Variants in SP110 observed in about 807,000 individuals in gnomAD.
SP110 encodes the protein interferon-induced protein 41, 30kD.
SP110 carries 62 observed loss-of-function variants against 92.7 expected under a neutral mutation model. The observed-to-expected ratio is 0.67, with a 90% CI of 0.55 to 0.83. The LOEUF is 0.83. Ranked by LOEUF, SP110 falls within the 40% of genes least tolerant of loss-of-function variation. The probability of loss-of-function intolerance (pLI) is 0.00; values close to 1 mark genes in which losing one functional copy is unlikely to be tolerated. For synonymous variants in SP110, 273 were observed against 305.3 expected (o/e 0.89, Z 1.10); for missense variants, 793 against 863.9 (o/e 0.92, Z 1.03).
At chr2:230,212,556 G>T in intron 4 of SP110, 126 bp from the exon 5 acceptor site, 1 of 1,043,998 alleles carries the variant, frequency 9.6e-7, no homozygotes, top group Non-Finnish European at 1.5e-6. Context: ...AATGTCCCGG[G>T]AGTGGGAAGC....
chr2:230,175,959 T>TTTTTTTTTTTTTC, intron 14 of SP110, among the ~76,000 whole-genome samples: 5 of 151,048 alleles, frequency 3.3e-5, no homozygotes, highest in African/African-American at 9.8e-5. Flanking sequence ...TTTTTTTTTT[T>TTTTTTTTTTTTTC]CTGAGACAGG....
chr2:230,214,724 G>C (rs2044910027), intron 3 of SP110, among the ~76,000 whole-genome samples: 1 of 151,984 alleles, frequency 6.6e-6, no homozygotes, highest in African/African-American at 2.4e-5. Flanking sequence ...CAAATTCATA[G>C]AACACATAAG....
At chr2:230,185,834 C>T (rs2042329761) in intron 11 of SP110, among the ~76,000 whole-genome samples, 160 bp downstream of exon 11, 1 of 152,224 alleles carries the variant, frequency 6.6e-6, no homozygotes, top group African/African-American at 2.4e-5. Context: ...CCAACAACCA[C>T]TGTCACATCA....
intron 3 of SP110, 34 bp downstream of exon 3, chr2:230,214,916 T>A (rs1264420491): frequency 6.3e-7 from 1 of 1,598,296 alleles, no homozygotes; most frequent in East Asian, 2.2e-5. Flanking sequence ...TAGCAACTTT[T>A]TAAATGCAAA....
chr2:230,212,710 A>G (rs1191957448), intron 4 of SP110, 51 bp downstream of exon 4: 2 of 1,608,508 alleles, frequency 1.2e-6, no homozygotes, highest in African/African-American at 2.7e-5. Context: ...AACATGGCAC[A>G]GGCACCTTAG....
At chr2:230,225,635 C>T (rs2046220581) in exon 1 of SP110, 1 of 620,784 alleles carries the variant, frequency 1.6e-6, no homozygotes, top group Non-Finnish European at 2.9e-6. Context: ...GGGGCTGGCT[C>T]TGCTCCTCCT....
rs200391064 is a variant in SP110, at chr2:230,171,754, A to G, written c.1829T>C (p.Leu610Pro). The change falls in exon 17 of 19, where the codon CTC (leucine) becomes CCC (proline). Residue 610 changes from leucine (L) to proline (P), a missense_variant. By Grantham distance (98) the Leu-to-Pro change is moderately conservative (BLOSUM62 -3). Coordinates refer to ENST00000258381, the MANE Select transcript of SP110 (RefSeq NM_080424.4). ...QPQDQLKCEF[L>P]LLKAYCHPQS... ...TGGATGACAGTAGGCCTTCAAGAGG[A>G]GGAACTCACATTTCTGTAAAATGTG... The G allele has an allele frequency of 6.2e-7, 1 of 1,612,814 alleles. No individual in the cohort carries two copies. The highest frequency in any genetic ancestry group is 8.5e-7 in the Non-Finnish European group (1 of 1,178,756).
chr2:230,178,167 TTTC>T lies in SP110; in HGVS notation c.1434_1436del (p.Lys479del). On this transcript the variant is annotated inframe_deletion, in exon 13 of 19. Coordinates refer to ENST00000258381, the MANE Select transcript of SP110 (RefSeq NM_080424.4). ...GACCAAGGAACTCACCGTGTTTCAT[TTTC>T]TTCTTATATAAAATCCCTTTCGCCT... 2 of 1,605,900 alleles carry T rather than the reference TTTC, an allele frequency of 1.2e-6. No individual in the cohort carries two copies. Among genetic ancestry groups the T allele is most frequent in the Non-Finnish European group, 1.7e-6 (2 of 1,172,648 alleles).
intron 12 of SP110, 87 bp downstream of exon 12, chr2:230,183,485 A>G: frequency 4.3e-6 from 3 of 700,680 alleles, no homozygotes; most frequent in Non-Finnish European, 7.3e-6. Flanking sequence ...GAAGGGAGAG[A>G]GAAGAAGGAG....
At chr2:230,223,039 C>CTT (rs34477714), upstream of SP110, among the ~76,000 whole-genome samples, 56 of 136,762 alleles carry the variant, frequency 4.1e-4, no homozygotes, top group Admixed American at 1.0e-3. Flanking sequence ...ATCAGTCTGA[C>CTT]TTTTTTTTTT....
chr2:230,216,425 A>G (rs929309357), intron 2 of SP110, among the ~76,000 whole-genome samples: 7 of 152,194 alleles, frequency 4.6e-5, no homozygotes, highest in African/African-American at 1.7e-4. Context: ...TCCAACAGCT[A>G]CCAGAAGCTA....
intron 14 of SP110, among the ~76,000 whole-genome samples, chr2:230,176,241 G>C (rs1025363951): frequency 1.3e-5 from 2 of 152,046 alleles, no homozygotes; most frequent in Non-Finnish European, 2.9e-5. Context: ...TAGCAATACA[G>C]AGTCTCACTA....
At chr2:230,183,682 A>T in intron 11 of SP110, 42 bp from the exon 12 acceptor site, 1 of 1,205,486 alleles carries the variant, frequency 8.3e-7, no homozygotes. Context: ...ACAAACATAG[A>T]TTTATAAGCC....
chr2:230,168,896 G>A lies in SP110; in HGVS notation c.*228C>T, dbSNP rs2058736841. ...GAATGTGAACTATGATGGGGTATCT[G>A]ATGGTATTAAGGAAGTATTAATTTT... is the stretch of plus-strand genomic sequence containing the variant. On this transcript the variant is annotated 3_prime_UTR_variant, in exon 19 of 19. Transcript: ENST00000258381. The A allele has an allele frequency of 4.5e-6, 2 of 448,586 alleles. No individual in the cohort carries two copies. The highest frequency in any genetic ancestry group is 8.2e-6 in the Non-Finnish European group (2 of 245,154). 27.8% of individuals were successfully genotyped at this position (448,586 alleles called of 1,614,324 possible).
At chr2:230,201,985 A>G (rs766822257) in intron 9 of SP110, among the ~76,000 whole-genome samples, 1 of 152,174 alleles carries the variant, frequency 6.6e-6, no homozygotes, top group Non-Finnish European at 1.5e-5. Flanking sequence ...TTTTCTTTCT[A>G]TCCTTCAATC....
chr2:230,218,899 TA>T (rs5839364), intron 1 of SP110, among the ~76,000 whole-genome samples: 151,547 of 152,360 alleles, frequency 0.99, 75,371 homozygotes, highest in Middle Eastern at 1. Context: ...GTGCAATGAA[TA>T]ATACGATAAG....
At chr2:230,173,106 C>T in intron 14 of SP110, 147 bp from the exon 15 acceptor site, 1 of 664,882 alleles carries the variant, frequency 1.5e-6, no homozygotes, top group South Asian at 1.5e-5. Context: ...TGCCACCTCC[C>T]TGGGGGAAAT....
At chr2:230,213,707 G>C (rs1373702838) in intron 3 of SP110, 2 of 152,550 alleles carry the variant, frequency 1.3e-5, no homozygotes, top group African/African-American at 2.4e-5. Context: ...TCAAATTTTG[G>C]AAAGGGATTC....
At chr2:230,187,455 G>A (rs1159253515) in intron 10 of SP110, among the ~76,000 whole-genome samples, 4 of 152,112 alleles carry the variant, frequency 2.6e-5, no homozygotes, top group Admixed American at 6.5e-5. Context: ...TGTTTACTCT[G>A]ATGTTTATTT....
Sources: gnomAD v4.1 joint callset for allele counts (sites outside exome capture counted in the v4.1 genomes callset) on GRCh38, gnomAD v4.1.1 for gene constraint, MANE v1.5 for transcripts, NCBI Gene and HGNC (gene_info 2026-07-23, HGNC 2026-07-21) for gene names.